Variants in DIAPH3 observed in about 807,000 individuals in gnomAD.
DIAPH3 encodes the protein protein diaphanous homolog 3.
DIAPH3 carries 117 observed loss-of-function variants against 144.3 expected under a neutral mutation model. That is an observed-to-expected ratio of 0.81 (90% CI 0.70 to 0.95). The LOEUF is 0.95. DIAPH3 is among the 40% of genes least tolerant of loss of function. DIAPH3 has a pLI of 0.00. For missense variants in DIAPH3, 1,421 were observed against 1,412.7 expected (o/e 1.01, Z -0.09); for synonymous variants, 519 against 488.9 (o/e 1.06, Z -0.81).
intron 2 of DIAPH3, among the ~76,000 whole-genome samples, chr13:60,112,973 C>A (rs1211968833): frequency 6.6e-6 from 1 of 152,126 alleles, no homozygotes; most frequent in Admixed American, 6.5e-5. Flanking sequence ...AATGTTTCAA[C>A]AATCAAAAAT....
At chr13:60,042,382 CA>C (rs2055737929) in intron 5 of DIAPH3, among the ~76,000 whole-genome samples, 1 of 152,076 alleles carries the variant, frequency 6.6e-6, no homozygotes, top group African/African-American at 2.4e-5. Flanking sequence ...TGACAAAATT[CA>C]GGGTGAAACT....
At chr13:59,929,554 C>CTTTTTTTTTTT (rs1167902415) in intron 17 of DIAPH3, among the ~76,000 whole-genome samples, 2 of 56,088 alleles carry the variant, frequency 3.6e-5, no homozygotes, top group African/African-American at 7.2e-5. Context: ...AAATTTTGTT[C>CTTTTTTTTTTT]TTTTTTTTTT....
intron 9 of DIAPH3, among the ~76,000 whole-genome samples, chr13:60,004,670 A>C (rs1282063114): frequency 6.6e-6 from 1 of 152,214 alleles, no homozygotes; most frequent in East Asian, 1.9e-4. Context: ...AAAATGAGAA[A>C]GAAATAAATT....
At chr13:59,982,955 T>A (rs983574344) in intron 13 of DIAPH3, among the ~76,000 whole-genome samples, 1 of 151,504 alleles carries the variant, frequency 6.6e-6, no homozygotes, top group African/African-American at 2.4e-5. Flanking sequence ...AAGCAGCAGA[T>A]ACAAGTTTTC....
At chr13:59,967,053 G>C (rs577490181) in intron 17 of DIAPH3, among the ~76,000 whole-genome samples, 1 of 151,688 alleles carries the variant, frequency 6.6e-6, no homozygotes, top group South Asian at 2.1e-4. Context: ...GGGTTTGCCT[G>C]TTTTTGTTTT....
intron 20 of DIAPH3, among the ~76,000 whole-genome samples, chr13:59,902,706 G>A (rs1033926491): frequency 7.9e-5 from 12 of 152,114 alleles, no homozygotes; most frequent in African/African-American, 2.9e-4. Flanking sequence ...AACTGGGGAG[G>A]CACATGGTGC....
chr13:59,671,237 A>AATTG (rs1231084270), intron 27 of DIAPH3, among the ~76,000 whole-genome samples: 12 of 152,170 alleles, frequency 7.9e-5, no homozygotes, highest in Admixed American at 7.9e-4. Context: ...GGCATAAATA[A>AATTG]ATTGTAATTT....
chr13:59,921,784 A>G (rs1249564365), intron 18 of DIAPH3, among the ~76,000 whole-genome samples: 1 of 152,052 alleles, frequency 6.6e-6, no homozygotes, highest in Non-Finnish European at 1.5e-5. Context: ...AACAAAGGAA[A>G]GCTACTTGTC....
At chr13:59,873,151 C>T (rs1031742364) in intron 21 of DIAPH3, among the ~76,000 whole-genome samples, 2 of 152,194 alleles carry the variant, frequency 1.3e-5, no homozygotes, top group African/African-American at 4.8e-5. Context: ...TGTGATTTAA[C>T]TGGCTGCATG....
chr13:60,067,169 C>T (rs1172663066), intron 4 of DIAPH3, among the ~76,000 whole-genome samples: 5 of 151,890 alleles, frequency 3.3e-5, no homozygotes, highest in African/African-American at 4.8e-5. Context: ...CCTGTAGTCC[C>T]AGCTACTCTG....
At chr13:60,068,483 T>C (rs1197251074) in intron 4 of DIAPH3, among the ~76,000 whole-genome samples, 2 of 152,180 alleles carry the variant, frequency 1.3e-5, no homozygotes, top group African/African-American at 4.8e-5. Context: ...AGCCCATTTT[T>C]CTTTGTCTTT....
At chr13:60,151,296 T>G (rs1219393969) in intron 1 of DIAPH3, among the ~76,000 whole-genome samples, 1 of 152,160 alleles carries the variant, frequency 6.6e-6, no homozygotes, top group African/African-American at 2.4e-5. Flanking sequence ...GCAAACAGAC[T>G]AATTACTTCC....
At chr13:60,008,782 C>T (rs1257825750) in intron 8 of DIAPH3, 133 bp from the exon 9 acceptor site, 1 of 695,766 alleles carries the variant, frequency 1.4e-6, no homozygotes, top group African/African-American at 1.8e-5. Context: ...TGAGTACATA[C>T]CATGTATCAA....
intron 17 of DIAPH3, among the ~76,000 whole-genome samples, chr13:59,940,258 AC>A (rs1160810452): frequency 6.6e-6 from 1 of 152,228 alleles, no homozygotes; most frequent in Non-Finnish European, 1.5e-5. Flanking sequence ...ATGTTTGGCC[AC>A]CTGACACTTG....
chr13:59,704,845 G>A lies in DIAPH3; in HGVS notation c.3320-37999C>T, dbSNP rs1257978797. Among the ~76,000 whole-genome samples the A allele has an allele frequency of 2.0e-5, 3 of 152,264 alleles. No homozygotes were observed. The East Asian group carries it at 5.8e-4, about 29-fold the overall frequency. ...GCCTGACAACATATTTCATCGTTAA[G>A]TGCCGTCTGACTATATTTTATTTAT... is the stretch of plus-strand genomic sequence containing the variant. On this transcript the variant is annotated intron_variant, in intron 27 of 27. Transcript: ENST00000400324.
rs773696632 is a variant in DIAPH3 at position 59,970,037 on chromosome 13, C to T, written c.1981G>A (p.Glu661Lys). 3 of 1,601,912 alleles carry T rather than the reference C, an allele frequency of 1.9e-6. No homozygotes were observed. The highest frequency in any genetic ancestry group is 2.7e-5 in the African/African-American group (2 of 74,708). Reference sequence around the variant, plus strand: ...TTTACTTTTATCCAGAAACAGTTTTCAGTCATTTCATGAGGTCTGATCTAC... The same window carrying T: ...TTTACTTTTATCCAGAAACAGTTTTTAGTCATTTCATGAGGTCTGATCTAC... The part of the protein sequence containing the change: ...WLKIRPHEMT[E>K]NCFWIKVNEN... Residue 661 changes from glutamate to lysine, a missense_variant, in exon 17 of 28, where the codon GAA (glutamate) becomes AAA (lysine). Glu to Lys is a moderately conservative substitution (Grantham distance 56). Transcript: ENST00000400324.
At chr13:59,771,952 A>G (rs2038146565) in intron 27 of DIAPH3, among the ~76,000 whole-genome samples, 1 of 151,926 alleles carries the variant, frequency 6.6e-6, no homozygotes, top group Non-Finnish European at 1.5e-5. Flanking sequence ...AATTTCACAT[A>G]GCTGTAGAAA....
intron 27 of DIAPH3, among the ~76,000 whole-genome samples, chr13:59,729,243 G>C (rs775039442): frequency 2.6e-5 from 4 of 152,124 alleles, no homozygotes; most frequent in Admixed American, 1.3e-4. Context: ...TCCTAGGTAC[G>C]TATCAGTCAG....
intron 21 of DIAPH3, among the ~76,000 whole-genome samples, chr13:59,869,085 G>A (rs1030576355): frequency 6.6e-6 from 1 of 152,148 alleles, no homozygotes; most frequent in African/African-American, 2.4e-5. Flanking sequence ...ACACTTAGGA[G>A]TGTGATTACT....
Sources: gnomAD v4.1 joint callset for allele counts (sites outside exome capture counted in the v4.1 genomes callset) on GRCh38, gnomAD v4.1.1 for gene constraint, MANE v1.5 for transcripts, NCBI Gene and HGNC (gene_info 2026-07-23, HGNC 2026-07-21) for gene names.